Variants in FYB1 observed in about 807,000 individuals in gnomAD.
FYB1 encodes the protein FYN binding protein 1.
Under a neutral mutation model 94.1 loss-of-function variants are expected in FYB1, and 41 were observed. The observed-to-expected ratio is 0.44, with a 90% CI of 0.34 to 0.57. The LOEUF is 0.57. Among genes scored for constraint, FYB1 ranks in the 20% least tolerant of loss-of-function variants. The probability of loss-of-function intolerance (pLI) is 0.02; values close to 1 mark genes in which losing one functional copy is unlikely to be tolerated. For synonymous variants in FYB1, 367 were observed against 353.2 expected (o/e 1.04, Z -0.44); for missense variants, 1,050 against 976.8 (o/e 1.07, Z -1.00).
chr5:39,140,851 A>G (rs570711245), intron 4 of FYB1, among the ~76,000 whole-genome samples: 4 of 152,242 alleles, frequency 2.6e-5, no homozygotes, highest in Non-Finnish European at 4.4e-5. Context: ...ACATGTCACA[A>G]TATGTGAAGA....
At position 39,148,153 on chromosome 5, in the gene FYB1, TTTTATA is replaced by T. The variant is rs1238838818; in HGVS notation, c.1292+5289_1292+5294del. ...TCATTATATGTATATTATATGTATT[TTTTATA>T]TATATATATATATATATATATATAT... is the stretch of plus-strand genomic sequence containing the variant. On this transcript the variant is annotated intron_variant, in intron 3 of 18. Coordinates refer to ENST00000512982, the MANE Select transcript of FYB1 (RefSeq NM_001465.6). Among the ~76,000 whole-genome samples, 606 of 79,422 alleles carry T rather than the reference TTTTATA, an allele frequency of 7.6e-3. 45 individuals are homozygous for T. The highest frequency in any genetic ancestry group is 0.01 in the South Asian group (21 of 2,024). 52.1% of individuals were successfully genotyped at this position (79,422 alleles called of 152,430 possible).
At chr5:39,213,758 T>A (rs1467527200) in intron 1 of FYB1, among the ~76,000 whole-genome samples, 1 of 152,076 alleles carries the variant, frequency 6.6e-6, no homozygotes, top group Non-Finnish European at 1.5e-5. Flanking sequence ...CCCTTAGAGT[T>A]GGTTACATGA....
rs926460993 is a variant in FYB1 at position 39,270,181 on chromosome 5, C to T, written c.-28+4222G>A. ...ACTGTGTTATCAAAATGGCAATCAC[C>T]ATCATTAATGTTTCCCAACATTCGC... On this transcript the variant is annotated intron_variant, in intron 1 of 1. Coordinates refer to the FYB1 transcript ENST00000510188. 2.6e-5 allele frequency among the ~76,000 whole-genome samples: 4 copies of T among 152,090 alleles called. No homozygotes were observed. The East Asian group carries it at 7.7e-4, about 29-fold the overall frequency.
Position 39,134,318 on chromosome 5 carries a change from A to G in FYB1, c.1707T>C (p.Ile569=), listed in dbSNP as rs367995526. Residue 569 remains isoleucine, a synonymous_variant, in exon 9 of 19, where the codon ATT becomes ATC. Transcript: ENST00000512982. The stretch of plus-strand genomic sequence containing the variant: ...TTTTCAGTTTCAAAGAATCATAGTC[A>G]ATCTCTACAGCAGTTGTTTTAATAT... ...YGYIKTTAVE[I]DYDSLKLKKD... The G allele has an allele frequency of 8.1e-5, 130 of 1,611,646 alleles. No homozygotes were observed. The highest frequency in any genetic ancestry group is 1.1e-4 in the Non-Finnish European group (130 of 1,178,212).
chr5:39,214,393 T>C (rs1271159854), intron 1 of FYB1, among the ~76,000 whole-genome samples: 21 of 152,234 alleles, frequency 1.4e-4, no homozygotes, highest in Admixed American at 1.4e-3. Flanking sequence ...TTCTGGTGTA[T>C]ACCCAAAAGA....
chr5:39,219,999 C>A (rs1178202080), upstream of FYB1, among the ~76,000 whole-genome samples: 5 of 152,170 alleles, frequency 3.3e-5, no homozygotes, highest in African/African-American at 1.2e-4. Context: ...ACCATATCAA[C>A]TGAAGAGTGG....
At chr5:39,139,034 A>G (rs1741911468) in intron 5 of FYB1, 199 bp downstream of exon 5, 2 of 597,492 alleles carry the variant, frequency 3.3e-6, no homozygotes, top group Non-Finnish European at 5.7e-6. Flanking sequence ...GTTCAGCACT[A>G]CAGCATTATA....
rs180948249 is a variant in FYB1 at position 39,155,572 on chromosome 5, C to T, written c.1136-1968G>A. ...CTCCAGTCTATTCAATCAATCCTTT[C>T]GTGTATAATTTCTGTCACTACATTA... On this transcript the variant is annotated intron_variant, in intron 2 of 18. Coordinates refer to ENST00000512982, the MANE Select transcript of FYB1 (RefSeq NM_001465.6). 1.2e-4 allele frequency among the ~76,000 whole-genome samples: 18 copies of T among 152,278 alleles called. No homozygotes were observed. In the East Asian group the frequency reaches 2.7e-3, roughly 23 times the overall value.
chr5:39,221,550 T>G (rs369745690), upstream of FYB1, among the ~76,000 whole-genome samples: 1 of 152,192 alleles, frequency 6.6e-6, no homozygotes, highest in Non-Finnish European at 1.5e-5. Context: ...CCCAGGAATA[T>G]GTAATTCCTT....
chr5:39,209,205 G>T (rs1315216104), intron 1 of FYB1, among the ~76,000 whole-genome samples: 1 of 152,120 alleles, frequency 6.6e-6, no homozygotes, highest in Non-Finnish European at 1.5e-5. Flanking sequence ...AAGAGTTAAC[G>T]GTTGCTGGCT....
chr5:39,159,096 G>T (rs1438590484), intron 2 of FYB1, among the ~76,000 whole-genome samples: 1 of 152,154 alleles, frequency 6.6e-6, no homozygotes, highest in Admixed American at 6.5e-5. Flanking sequence ...CTGAAGCATT[G>T]CATAAACATA....
chr5:39,220,790 C>G (rs1750213767), upstream of FYB1, among the ~76,000 whole-genome samples: 1 of 152,204 alleles, frequency 6.6e-6, no homozygotes, highest in African/African-American at 2.4e-5. Flanking sequence ...GTAGTAGGGT[C>G]AGCAAACTAT....
At chr5:39,208,797 C>G (rs970278570) in intron 1 of FYB1, 12 of 152,138 alleles carry the variant, frequency 7.9e-5, no homozygotes, top group Admixed American at 2.6e-4. Flanking sequence ...CTACAAAGGC[C>G]TGACCAGGAG....
chr5:39,202,617 G>A lies in FYB1; in HGVS notation c.344C>T (p.Pro115Leu). The change falls in exon 2 of 19, where the codon CCC (proline) becomes CTC (leucine). Residue 115 changes from proline to leucine, a missense_variant. Physicochemically the swap from Pro to Leu is moderately conservative, Grantham distance 98. Transcript: ENST00000512982. Reference sequence around the variant, plus strand: ...TTCTTTGGGCAAGTTGATGGGCTTGGGGCCTACAGGTTTCAGAAATCCCAC... The same window carrying A: ...TTCTTTGGGCAAGTTGATGGGCTTGAGGCCTACAGGTTTCAGAAATCCCAC... Reference protein sequence around the residue: ...AKVGFLKPVGPKPINLPKEDS... With the variant: ...AKVGFLKPVGLKPINLPKEDS... 5 of 1,613,850 alleles carry A rather than the reference G, an allele frequency of 3.1e-6. No homozygotes were observed. Among genetic ancestry groups the A allele is most frequent in the Non-Finnish European group, 4.2e-6 (5 of 1,179,862 alleles).
chr5:39,269,422 A>C (rs1345525650), intron 1 of FYB1, among the ~76,000 whole-genome samples: 1 of 151,982 alleles, frequency 6.6e-6, no homozygotes, highest in East Asian at 1.9e-4. Flanking sequence ...TATAAGTCTC[A>C]CTCCCACCTG....
chr5:39,228,188 T>C (rs1750565998), intron 1 of FYB1, among the ~76,000 whole-genome samples: 1 of 152,148 alleles, frequency 6.6e-6, no homozygotes, highest in African/African-American at 2.4e-5. Context: ...AGTTGGTAGA[T>C]AGATAAGTAA....
At chr5:39,129,727 A>G (rs574897627) in intron 10 of FYB1, among the ~76,000 whole-genome samples, 14 of 152,040 alleles carry the variant, frequency 9.2e-5, no homozygotes, top group Non-Finnish European at 1.5e-5. Flanking sequence ...ATCACTAATC[A>G]TCTTACCCCA....
intron 1 of FYB1, among the ~76,000 whole-genome samples, chr5:39,227,405 G>A (rs1055703703): frequency 6.6e-6 from 1 of 152,156 alleles, no homozygotes; most frequent in Non-Finnish European, 1.5e-5. Context: ...CTTAGGAGGT[G>A]CATGCTGAGA....
At chr5:39,138,805 C>T (rs1741890383) in intron 5 of FYB1, 114 bp from the exon 6 acceptor site, 2 of 716,274 alleles carry the variant, frequency 2.8e-6, no homozygotes, top group African/African-American at 3.5e-5. Context: ...ATAATTTGAA[C>T]CACATATTAA....
Sources: allele counts gnomAD v4.1 joint callset (sites outside exome capture counted in the v4.1 genomes callset), GRCh38; gene constraint gnomAD v4.1.1; transcripts MANE v1.5; gene names NCBI Gene and HGNC (gene_info 2026-07-23, HGNC 2026-07-21).